KAT2B: variants seen among roughly 807,000 people sequenced by gnomAD.
KAT2B encodes the protein lysine acetyltransferase 2B, also known as histone acetyltransferase KAT2B.
KAT2B carries 36 observed loss-of-function variants against 105.9 expected under a neutral mutation model. The observed-to-expected ratio is 0.34, with a 90% confidence interval of 0.26 to 0.45. The LOEUF (loss-of-function observed/expected upper bound fraction) is 0.45. Ranked by LOEUF, KAT2B falls within the 20% of genes least tolerant of loss-of-function variation. KAT2B has a pLI of 1.00. For synonymous variants in KAT2B, 397 were observed against 377.9 expected, an observed-to-expected ratio of 1.05 and a Z score of -0.59; for missense variants, 820 against 1,021.6, an observed-to-expected ratio of 0.80 and a Z score of 2.69.
At chr3:20,049,830 A>G (rs746964985) in intron 1 of KAT2B, among the ~76,000 whole-genome samples, 15 of 152,222 alleles carry the variant, frequency 9.9e-5, no homozygotes, top group Non-Finnish European at 8.8e-5. Flanking sequence ...TGTTGAAGAA[A>G]GATGAAAGAG....
intron 2 of KAT2B, among the ~76,000 whole-genome samples, chr3:20,078,926 G>A (rs1461866268): frequency 1.3e-5 from 2 of 149,440 alleles, no homozygotes; most frequent in African/African-American, 4.9e-5. Flanking sequence ...CCAGGATGGA[G>A]TGCAGTGGCG....
chr3:20,089,068 T>G (rs894443962), intron 2 of KAT2B, among the ~76,000 whole-genome samples: 1 of 152,204 alleles, frequency 6.6e-6, no homozygotes. Flanking sequence ...CTGTCTATTC[T>G]GTTCAGTTGG....
chr3:20,128,706 C>G (rs1473878502), intron 11 of KAT2B, among the ~76,000 whole-genome samples: 1 of 152,034 alleles, frequency 6.6e-6, no homozygotes, highest in African/African-American at 2.4e-5. Context: ...GAAAACATGT[C>G]CTTAGAATGT....
intron 1 of KAT2B, among the ~76,000 whole-genome samples, chr3:20,065,279 A>G (rs927441858): frequency 1.3e-5 from 2 of 152,112 alleles, no homozygotes; most frequent in African/African-American, 4.8e-5. Context: ...GCTAGCTGCT[A>G]CAGTAATTGG....
At chr3:20,083,441 A>G (rs181740671) in intron 2 of KAT2B, among the ~76,000 whole-genome samples, 85 of 152,256 alleles carry the variant, frequency 5.6e-4, no homozygotes, top group African/African-American at 1.9e-3. Context: ...TCAGTATAGT[A>G]AATAGTTTAG....
At chr3:20,044,081 A>G (rs1575100662) in intron 1 of KAT2B, among the ~76,000 whole-genome samples, 1 of 151,282 alleles carries the variant, frequency 6.6e-6, no homozygotes, top group South Asian at 2.1e-4. Flanking sequence ...AAAAAAAAAA[A>G]GAAAAAAGAA....
At chr3:20,148,099 C>G in intron 15 of KAT2B, 100 bp downstream of exon 15, 2 of 1,372,710 alleles carry the variant, frequency 1.5e-6, no homozygotes, top group South Asian at 1.2e-5. Context: ...ATCACTAACA[C>G]AACAGTTGGT....
intron 5 of KAT2B, among the ~76,000 whole-genome samples, chr3:20,105,670 G>A (rs1306644232): frequency 6.6e-6 from 1 of 151,856 alleles, no homozygotes; most frequent in Admixed American, 6.6e-5. Context: ...GGTGGCATGA[G>A]CCTGTGGTCC....
At position 20,046,373 on chromosome 3, in the gene KAT2B, C is replaced by T. The variant is rs956726369; in HGVS notation, c.303+5593C>T. 4.6e-5 allele frequency among the ~76,000 whole-genome samples: 7 copies of T among 152,200 alleles called. No homozygotes were observed. In the East Asian group the frequency reaches 1.2e-3, roughly 25 times the overall value. On this transcript the variant is annotated intron_variant, in intron 1 of 17. Coordinates refer to ENST00000263754, the MANE Select transcript of KAT2B (RefSeq NM_003884.5). ...AAGGCAGACGGATCACTTGAGCTCA[C>T]GAGTTCGAGACCAGCCTGGGCAACA...
At chr3:20,148,145 C>T in intron 15 of KAT2B, 98 bp from the exon 16 acceptor site, 2 of 1,358,618 alleles carry the variant, frequency 1.5e-6, no homozygotes, top group Non-Finnish European at 2.1e-6. Context: ...TGGAATGGTT[C>T]CAATTTCAGG....
chr3:20,122,008 A>G (rs990626117), intron 8 of KAT2B, among the ~76,000 whole-genome samples: 1 of 152,102 alleles, frequency 6.6e-6, no homozygotes, highest in South Asian at 2.1e-4. Context: ...ATTTCCGTAC[A>G]TATATGGTGG....
chr3:20,140,583 T>C (rs906120059), intron 13 of KAT2B, among the ~76,000 whole-genome samples: 38 of 152,162 alleles, frequency 2.5e-4, no homozygotes, highest in African/African-American at 8.9e-4. Flanking sequence ...CTCTGCCTCC[T>C]GGGCCCAAGC....
chr3:20,143,333 A>G (rs1382388015), intron 13 of KAT2B, among the ~76,000 whole-genome samples: 2 of 152,184 alleles, frequency 1.3e-5, no homozygotes, highest in African/African-American at 2.4e-5. Context: ...ACAATGTGAT[A>G]CTATCTCACA....
intron 1 of KAT2B, among the ~76,000 whole-genome samples, chr3:20,046,944 A>G (rs1050796050): frequency 6.6e-6 from 1 of 152,186 alleles, no homozygotes; most frequent in African/African-American, 2.4e-5. Flanking sequence ...CACAATGCAC[A>G]GGACAACTCC....
chr3:20,110,523 A>G (rs1038506295), intron 5 of KAT2B, among the ~76,000 whole-genome samples: 61 of 151,970 alleles, frequency 4.0e-4, no homozygotes, highest in African/African-American at 1.4e-3. Context: ...ATAAGAAAAA[A>G]TTAGCCACAT....
intron 2 of KAT2B, among the ~76,000 whole-genome samples, chr3:20,086,390 G>A (rs926774212): frequency 4.6e-5 from 7 of 152,170 alleles, no homozygotes; most frequent in Non-Finnish European, 8.8e-5. Context: ...CTTGAGCCCA[G>A]GAGTTCAAGA....
intron 1 of KAT2B, among the ~76,000 whole-genome samples, chr3:20,067,164 G>T (rs187733510): frequency 6.6e-6 from 1 of 152,246 alleles, no homozygotes; most frequent in African/African-American, 2.4e-5. Flanking sequence ...ACTTTGTACT[G>T]GGATCCCAAG....
chr3:20,084,883 T>A (rs1039519455), intron 2 of KAT2B, among the ~76,000 whole-genome samples: 3 of 152,216 alleles, frequency 2.0e-5, no homozygotes, highest in Non-Finnish European at 4.4e-5. Context: ...TTTTGGGGCT[T>A]TGAAAAAGTA....
chr3:20,088,520 T>C (rs918091879), intron 2 of KAT2B, among the ~76,000 whole-genome samples: 3 of 152,242 alleles, frequency 2.0e-5, no homozygotes, highest in Non-Finnish European at 4.4e-5. Context: ...CATTTTTCCA[T>C]ATACCTGTTG....
Sources: allele counts gnomAD v4.1 joint callset (sites outside exome capture counted in the v4.1 genomes callset), GRCh38; gene constraint gnomAD v4.1.1; transcripts MANE v1.5; gene names NCBI Gene and HGNC (gene_info 2026-07-23, HGNC 2026-07-21).